IL23R: variants seen among roughly 807,000 people sequenced by gnomAD.
IL23R encodes interleukin 23 receptor.
A neutral mutation model predicts 56.9 loss-of-function variants in IL23R; 34 were observed. The observed-to-expected ratio is 0.60, with a 90% CI of 0.45 to 0.80. The LOEUF is 0.80. Ranked by LOEUF, IL23R falls within the 30% of genes least tolerant of loss-of-function variation. IL23R has a pLI of 0.00. For missense variants in IL23R, 635 were observed against 730.0 expected (o/e 0.87, Z 1.50); for synonymous variants, 230 against 249.2 (o/e 0.92, Z 0.73).
chr1:67,164,658 A>AAATAAAATAAAATAT, upstream of IL23R, among the ~76,000 whole-genome samples: 1 of 58,492 alleles, frequency 1.7e-5, no homozygotes, highest in South Asian at 4.5e-4. Context: ...AAATAAAATA[A>AAATAAAATAAAATAT]AATAAAATAA....
At chr1:67,180,575 T>C (rs1434088364) in intron 3 of IL23R, among the ~76,000 whole-genome samples, 2 of 152,222 alleles carry the variant, frequency 1.3e-5, no homozygotes, top group South Asian at 4.1e-4. Context: ...CTTTATCCAA[T>C]TTGCCAGTCT....
rs143213450 is a variant in IL23R at position 67,198,122 on chromosome 1, G to A, written c.492-2615G>A. On this transcript the variant is annotated intron_variant, in intron 4 of 10. Transcript: ENST00000347310. ...GATCTGCCTGAACTCAGAGGGAGAA[G>A]TCACTCATTACTGCCAGGAGGGCAG... Among the ~76,000 whole-genome samples the A allele has an allele frequency of 2.9e-4, 44 of 152,262 alleles. 1 individual carries two copies. Among genetic ancestry groups the A allele is most frequent in the Middle Eastern group, 3.4e-3 (1 of 294 alleles).
At chr1:67,145,440 G>C (rs1646671152) in intron 1 of IL23R, among the ~76,000 whole-genome samples, 1 of 152,160 alleles carries the variant, frequency 6.6e-6, no homozygotes, top group Non-Finnish European at 1.5e-5. Context: ...TAAGTATTTT[G>C]TGTAAATTAG....
chr1:67,210,760 A>G (rs1382791304), intron 6 of IL23R, among the ~76,000 whole-genome samples: 4 of 152,204 alleles, frequency 2.6e-5, no homozygotes, highest in Non-Finnish European at 5.9e-5. Context: ...AGCATGAGCC[A>G]CAGCACCTGG....
intron 7 of IL23R, among the ~76,000 whole-genome samples, chr1:67,230,527 C>T (rs1651027458): frequency 7.0e-6 from 1 of 143,422 alleles, no homozygotes; most frequent in African/African-American, 2.5e-5. Flanking sequence ...GTGGCTACTG[C>T]TTTTTGCCTT....
At chr1:67,164,957 C>G (rs755865574), upstream of IL23R, among the ~76,000 whole-genome samples, 1 of 152,088 alleles carries the variant, frequency 6.6e-6, no homozygotes, top group African/African-American at 2.4e-5. Context: ...CCTGTAATCC[C>G]AGGACTTTGG....
At chr1:67,254,476 C>A (rs1353022824) in intron 9 of IL23R, among the ~76,000 whole-genome samples, 1 of 151,626 alleles carries the variant, frequency 6.6e-6, no homozygotes, top group Non-Finnish European at 1.5e-5. Context: ...ACTCCAATAG[C>A]CTGAATTTAC....
At chr1:67,186,604 A>G (rs1177312338) in intron 4 of IL23R, among the ~76,000 whole-genome samples, 1 of 152,122 alleles carries the variant, frequency 6.6e-6, no homozygotes, top group Admixed American at 6.6e-5. Context: ...GTCTTTTGTG[A>G]CTGGCTTCTT....
chr1:67,250,576 A>C (rs1044700386), intron 9 of IL23R, among the ~76,000 whole-genome samples: 2 of 152,180 alleles, frequency 1.3e-5, no homozygotes, highest in Non-Finnish European at 2.9e-5. Flanking sequence ...TTTAGACAAA[A>C]TGTCTTTATT....
chr1:67,212,719 A>C (rs1479919813), intron 6 of IL23R, among the ~76,000 whole-genome samples: 1 of 151,444 alleles, frequency 6.6e-6, no homozygotes, highest in East Asian at 1.9e-4. Context: ...AAATTTTAAA[A>C]ATTTTTCTGT....
chr1:67,143,030 T>C (rs1646652025), intron 1 of IL23R, among the ~76,000 whole-genome samples: 1 of 151,984 alleles, frequency 6.6e-6, no homozygotes, highest in South Asian at 2.1e-4. Flanking sequence ...ACTTGACAAC[T>C]TTCTTAGATA....
chr1:67,255,411 T>C (rs1425536659), intron 9 of IL23R, among the ~76,000 whole-genome samples: 3 of 152,164 alleles, frequency 2.0e-5, no homozygotes, highest in African/African-American at 4.8e-5. Flanking sequence ...ATGAAAACTT[T>C]AGCCTCGGCA....
intron 4 of IL23R, 29 bp downstream of exon 4, chr1:67,182,988 A>G (rs1647174422): frequency 6.2e-7 from 1 of 1,613,166 alleles, no homozygotes. Flanking sequence ...GCTTCATATA[A>G]GCAGTTCCAC....
At chr1:67,142,194 A>C (rs1234653370) in intron 1 of IL23R, among the ~76,000 whole-genome samples, 1 of 152,216 alleles carries the variant, frequency 6.6e-6, no homozygotes, top group African/African-American at 2.4e-5. Flanking sequence ...GTTTTCACTT[A>C]CACATTTTAA....
At chr1:67,241,401 T>G (rs1651843923) in intron 9 of IL23R, among the ~76,000 whole-genome samples, 1 of 152,212 alleles carries the variant, frequency 6.6e-6, no homozygotes, top group Non-Finnish European at 1.5e-5. Flanking sequence ...ACATTTAGCA[T>G]GAACAACTCC....
At chr1:67,228,006 C>CT (rs1175564102) in intron 7 of IL23R, among the ~76,000 whole-genome samples, 4 of 100,222 alleles carry the variant, frequency 4.0e-5, no homozygotes, top group African/African-American at 8.5e-5. Flanking sequence ...TTCTTTCTTT[C>CT]TTTCTTTCTT....
intron 4 of IL23R, among the ~76,000 whole-genome samples, chr1:67,200,263 C>T (rs1178876620): frequency 2.0e-5 from 3 of 152,054 alleles, no homozygotes; most frequent in Admixed American, 6.5e-5. Context: ...AGGATAGTCT[C>T]GATCTCCTGA....
chr1:67,190,899 T>C (rs1277265475), intron 4 of IL23R, among the ~76,000 whole-genome samples: 1 of 152,234 alleles, frequency 6.6e-6, no homozygotes, highest in Non-Finnish European at 1.5e-5. Context: ...CTTCTCTACA[T>C]GCATATTTTT....
At chr1:67,227,612 G>A (rs1056095906) in intron 7 of IL23R, among the ~76,000 whole-genome samples, 6 of 152,108 alleles carry the variant, frequency 3.9e-5, no homozygotes, top group East Asian at 1.9e-4. Context: ...TATGTTAACG[G>A]AACTAAATAT....
Sources: allele counts gnomAD v4.1 joint callset (sites outside exome capture counted in the v4.1 genomes callset), GRCh38; gene constraint gnomAD v4.1.1; transcripts MANE v1.5; gene names NCBI Gene and HGNC (gene_info 2026-07-23, HGNC 2026-07-21).